ATP6V0D1: variants seen among roughly 807,000 people sequenced by gnomAD.
ATP6V0D1 encodes the protein ATPase H+ transporting V0 subunit d1.
Under a neutral mutation model 39.0 loss-of-function variants are expected in ATP6V0D1, and 13 were observed. The ratio of observed to expected loss-of-function variants is 0.33; its 90% CI spans 0.22 to 0.53. The LOEUF is 0.53. ATP6V0D1 is among the 20% of genes least tolerant of loss of function. The pLI is 0.94. For synonymous variants in ATP6V0D1, 191 were observed against 191.2 expected (o/e 1.00, Z 0.01); for missense variants, 272 against 470.9 (o/e 0.58, Z 3.91).
At chr16:67,454,078 G>A in intron 1 of ATP6V0D1, among the ~76,000 whole-genome samples, 1 of 152,186 alleles carries the variant, frequency 6.6e-6, no homozygotes, top group East Asian at 1.9e-4. Context: ...CTAGAGCAGG[G>A]TAAGTCATGA....
At chr16:67,467,368 G>C (rs141325174) in intron 1 of ATP6V0D1, among the ~76,000 whole-genome samples, 49 of 152,254 alleles carry the variant, frequency 3.2e-4, no homozygotes, top group African/African-American at 1.1e-3. Context: ...AGGCGGGCGT[G>C]GTGGCGGGTG....
At chr16:67,476,007 A>G (rs1379154981) in intron 1 of ATP6V0D1, among the ~76,000 whole-genome samples, 1 of 152,172 alleles carries the variant, frequency 6.6e-6, no homozygotes, top group Non-Finnish European at 1.5e-5. Context: ...AGGTGGGTGG[A>G]TCACCTGAGG....
In ATP6V0D1 at chr16:67,446,020, G is replaced by A. The variant is rs962296863; in HGVS notation, c.303-1314C>T. 10 of 452,058 alleles carry A rather than the reference G, an allele frequency of 2.2e-5. 1 individual carries two copies. The highest frequency in any genetic ancestry group is 1.1e-4 in the South Asian group (7 of 64,008). 28.0% of individuals were successfully genotyped at this position (452,058 alleles called of 1,614,324 possible). A position where few individuals can be genotyped will look rare whatever the true frequency, so the allele number is the denominator to read the frequency against. ...CTGTTCTGAGCTGGGCACTGAACAC[G>A]GGTCTTGTCCTAGCTTCTGAGTGGG... On this transcript the variant is annotated intron_variant, in intron 2 of 7. Transcript: ENST00000290949.
rs982833087 is a variant in ATP6V0D1, at chr16:67,481,050, T to C, written c.37A>G (p.Asn13Asp). Residue 13 changes from asparagine to aspartate, a missense_variant, in exon 1 of 8, where the codon AAT becomes GAT. This residue lies in a region of ATP6V0D1 where 81 missense variants were observed against 96.0 expected (regional missense o/e 0.84). Transcript: ENST00000290949. ...CGCACCAGTCCCTCCAAGTAGCCAT[T>C]GTCCACGTTAAAGTAAAGCTCCGGG... The part of the protein sequence containing the change: ...FFPELYFNVD[N>D]GYLEGLVRGL... 1 of 1,614,178 alleles carries C rather than the reference T, an allele frequency of 6.2e-7. No homozygotes were observed.
intron 1 of ATP6V0D1, among the ~76,000 whole-genome samples, chr16:67,473,895 TC>T (rs1376672705): frequency 6.6e-6 from 1 of 152,012 alleles, no homozygotes; most frequent in Non-Finnish European, 1.5e-5. Flanking sequence ...GACCTTGTGA[TC>T]CCCCCGACTC....
Position 67,453,566 on chromosome 16 carries a change from C to T in ATP6V0D1, c.280G>A (p.Ala94Thr), listed in dbSNP as rs1342839693. Residue 94 changes from alanine (A) to threonine (T), a missense_variant, in exon 2 of 8, where the codon GCC becomes ACC. Transcript: ENST00000290949. The surrounding 1 kb of genome is among the most constrained non-coding windows in gnomAD (Gnocchi z 4.1). ...HMRNHAYEPL[A>T]SFLDFITYSY... ...CACGTAATGAAGTCTAGGAAGCTGG[C>T]GAGTGGCTCATAGGCATGGTTCCTC... is the stretch of plus-strand genomic sequence containing the variant. 5 of 1,614,062 alleles carry T rather than the reference C, an allele frequency of 3.1e-6. No homozygotes were observed. The highest frequency in any genetic ancestry group is 1.7e-5 in the Admixed American group (1 of 60,002).
chr16:67,466,267 G>A (rs2041328378), intron 1 of ATP6V0D1, among the ~76,000 whole-genome samples: 1 of 151,040 alleles, frequency 6.6e-6, no homozygotes, highest in Non-Finnish European at 1.5e-5. Flanking sequence ...GATCACCTGC[G>A]GTCGAGGGCT....
intron 1 of ATP6V0D1, among the ~76,000 whole-genome samples, chr16:67,458,100 T>A (rs1368379791): frequency 6.6e-6 from 1 of 152,090 alleles, no homozygotes; most frequent in African/African-American, 2.4e-5. Flanking sequence ...AGCTCACCCA[T>A]GAGGAGACCA....
At chr16:67,471,076 G>A (rs1016126577) in intron 1 of ATP6V0D1, among the ~76,000 whole-genome samples, 2 of 152,120 alleles carry the variant, frequency 1.3e-5, no homozygotes, top group African/African-American at 4.8e-5. Context: ...TATAATTGAC[G>A]TGTAACAATT....
intron 2 of ATP6V0D1, chr16:67,452,373 C>G: frequency 1.3e-6 from 2 of 1,535,676 alleles, no homozygotes; most frequent in Non-Finnish European, 1.7e-6. Flanking sequence ...GAGAATGGAG[C>G]CCTTTGGCTG....
At chr16:67,464,283 C>T (rs1464704779) in intron 1 of ATP6V0D1, among the ~76,000 whole-genome samples, 1 of 152,186 alleles carries the variant, frequency 6.6e-6, no homozygotes, top group African/African-American at 2.4e-5. Flanking sequence ...AGATATAGTC[C>T]AGGCATCCTT....
At chr16:67,451,208 C>A (rs780038105) in intron 2 of ATP6V0D1, among the ~76,000 whole-genome samples, 2 of 152,118 alleles carry the variant, frequency 1.3e-5, no homozygotes, top group Non-Finnish European at 2.9e-5. Context: ...AGGGGGAGAG[C>A]GGCTCCAGGC....
At chr16:67,467,278 G>C (rs2041338033) in intron 1 of ATP6V0D1, among the ~76,000 whole-genome samples, 1 of 152,164 alleles carries the variant, frequency 6.6e-6, no homozygotes, top group African/African-American at 2.4e-5. Flanking sequence ...AGACCGAGGT[G>C]GGCGGATCAC....
At chr16:67,441,943 T>A (rs1191789290) in intron 4 of ATP6V0D1, among the ~76,000 whole-genome samples, 1 of 152,212 alleles carries the variant, frequency 6.6e-6, no homozygotes, top group Non-Finnish European at 1.5e-5. Flanking sequence ...CACGGGACTA[T>A]GTTCAAACTT....
chr16:67,465,307 G>C (rs968951711), intron 1 of ATP6V0D1, among the ~76,000 whole-genome samples: 9 of 152,146 alleles, frequency 5.9e-5, no homozygotes, highest in Admixed American at 2.6e-4. Flanking sequence ...GCCATCTCCC[G>C]GAGTCACCCT....
At chr16:67,448,195 C>A (rs1413376035) in intron 2 of ATP6V0D1, among the ~76,000 whole-genome samples, 1 of 151,424 alleles carries the variant, frequency 6.6e-6, no homozygotes, top group Admixed American at 6.6e-5. Context: ...ATTAAAAAAT[C>A]AAAAAAATTA....
At chr16:67,476,242 A>C (rs1288567308) in intron 1 of ATP6V0D1, among the ~76,000 whole-genome samples, 4 of 151,860 alleles carry the variant, frequency 2.6e-5, no homozygotes, top group South Asian at 4.2e-4. Flanking sequence ...AAAACCAGAC[A>C]TCTCAGATAG....
chr16:67,439,233 C>T, intron 5 of ATP6V0D1, 41 bp downstream of exon 5: 1 of 1,614,068 alleles, frequency 6.2e-7, no homozygotes, highest in South Asian at 1.1e-5. Context: ...CAGGCCAGGG[C>T]TAGCGGGCAC....
intron 1 of ATP6V0D1, chr16:67,457,086 A>G (rs1254287407): frequency 1.3e-5 from 2 of 153,764 alleles, no homozygotes; most frequent in Non-Finnish European, 2.9e-5. Flanking sequence ...ATGACTCTCT[A>G]TCCAACACCT....
Sources: allele counts gnomAD v4.1 joint callset (sites outside exome capture counted in the v4.1 genomes callset), GRCh38; gene constraint gnomAD v4.1.1; regional missense constraint gnomAD v4.1.1; non-coding constraint Gnocchi (gnomAD v3.1); transcripts MANE v1.5; gene names NCBI Gene and HGNC (gene_info 2026-07-23, HGNC 2026-07-21).